The following ITIH3 variants were observed in gnomAD, a reference collection of about 807,000 sequenced individuals.
ITIH3 encodes inter-alpha-trypsin inhibitor heavy chain 3.
A neutral mutation model predicts 96.5 loss-of-function variants in ITIH3; 81 were observed. The ratio of observed to expected loss-of-function variants is 0.84; its 90% CI spans 0.70 to 1.01. The LOEUF is 1.01. Ranked by LOEUF, ITIH3 falls within the 50% of genes least tolerant of loss-of-function variation. The pLI is 0.00. For missense variants in ITIH3, 1,057 were observed against 1,139.3 expected (o/e 0.93, Z 1.04); for synonymous variants, 422 against 445.2 (o/e 0.95, Z 0.66).
rs1699552453 is a variant in ITIH3 at position 52,795,638 on chromosome 3, C to T, written c.114+15C>T. 6.2e-7 allele frequency: 1 copy of T among 1,611,420 alleles called. No homozygotes were observed. Among genetic ancestry groups the T allele is most frequent in the African/African-American group, 1.3e-5 (1 of 74,872 alleles). ...TCCCGGAAGGGGTAAGAACTTTCAC[C>T]AGGGGGTGGGACCGAGTGGGGCAGG... On this transcript the variant is annotated intron_variant, in intron 2 of 21. Transcript: ENST00000449956.
rs762580849 is a variant in ITIH3 at position 52,801,105 on chromosome 3, C to T, written c.1342C>T (p.Arg448Trp). The change falls in exon 11 of 22, where the codon CGG becomes TGG. Residue 448 changes from arginine to tryptophan, a missense_variant. Physicochemically the swap from Arg to Trp is moderately radical, Grantham distance 101. Coordinates refer to ENST00000449956, the MANE Select transcript of ITIH3 (RefSeq NM_002217.4). The stretch of plus-strand genomic sequence containing the variant: ...GGCCCTGGAGAACCATGGGTTTGCC[C>T]GGCGCATTTATGAGGACTCTGATGC... Reference protein sequence around the residue: ...NMALENHGFARRIYEDSDADL... With the variant: ...NMALENHGFAWRIYEDSDADL... 40 of 1,601,130 alleles carry T rather than the reference C, an allele frequency of 2.5e-5. No homozygotes were observed. The highest frequency in any genetic ancestry group is 1.7e-4 in the Middle Eastern group (1 of 6,024).
intron 13 of ITIH3, 44 bp from the exon 14 acceptor site, chr3:52,803,811 G>A: frequency 6.2e-7 from 1 of 1,607,526 alleles, no homozygotes; most frequent in Non-Finnish European, 8.5e-7. Context: ...AGTGGGCAGG[G>A]TGCTGCTCTC....
At position 52,801,140 on chromosome 3, in the gene ITIH3, G is replaced by A. The variant is rs376951671; in HGVS notation, c.1377G>A (p.Gln459=). 216 of 1,573,848 alleles carry A rather than the reference G, an allele frequency of 1.4e-4. No homozygotes were observed. Among genetic ancestry groups the A allele is most frequent in the Middle Eastern group, 1.0e-3 (6 of 5,830 alleles). ...RIYEDSDADL[Q]LQGFYEEVAN... is the part of the protein sequence containing the mutation. Reference sequence around the variant, plus strand: ...ATGAGGACTCTGATGCCGATTTGCAGTTGCAGGTATGCCTTGTCTTGCACA... The same window carrying A: ...ATGAGGACTCTGATGCCGATTTGCAATTGCAGGTATGCCTTGTCTTGCACA... Residue 459 remains glutamine (Q), a synonymous_variant, in exon 11 of 22, where the codon CAG becomes CAA. Coordinates refer to ENST00000449956, the MANE Select transcript of ITIH3 (RefSeq NM_002217.4).
chr3:52,797,020 C>T, intron 4 of ITIH3, 85 bp from the exon 5 acceptor site: 10 of 1,490,646 alleles, frequency 6.7e-6, no homozygotes, highest in Non-Finnish European at 9.1e-6. Flanking sequence ...TCTCCCTCGC[C>T]AAAGGGCTGG....
rs756683414 is a variant in ITIH3, at chr3:52,802,425, A to G, written c.1475A>G (p.Tyr492Cys). ...ATCCTGGACCTCACCCAGAACACTTACCAGCACTTCTACGATGGCTCTGAG... is the reference window on the plus strand; with the variant it reads ...ATCCTGGACCTCACCCAGAACACTTGCCAGCACTTCTACGATGGCTCTGAG... ...NAILDLTQNT[Y>C]QHFYDGSEIV... Residue 492 changes from tyrosine to cysteine, a missense_variant, in exon 12 of 22, where the codon TAC becomes TGC. Physicochemically the swap from Tyr to Cys is radical, Grantham distance 194. Transcript: ENST00000449956. The G allele has an allele frequency of 6.2e-6, 10 of 1,613,932 alleles. No homozygotes were observed. The South Asian group carries it at 9.9e-5, about 16-fold the overall frequency.
At position 52,796,586 on chromosome 3, in the gene ITIH3, G is replaced by A; in HGVS notation, c.220G>A (p.Ala74Thr). 1 of 1,613,328 alleles carries A rather than the reference G, an allele frequency of 6.2e-7. No homozygotes were observed. The highest frequency in any genetic ancestry group is 1.7e-5 in the Admixed American group (1 of 59,922). Residue 74 changes from alanine to threonine, a missense_variant, in exon 3 of 22, where the codon GCC becomes ACC. Coordinates refer to ENST00000449956, the MANE Select transcript of ITIH3 (RefSeq NM_002217.4). ...GAGAGCCGTCAACCGTGCAGACACGGCCAAGGAGGTTTCCTTTGATGTGGA... is the reference window on the plus strand; with the variant it reads ...GAGAGCCGTCAACCGTGCAGACACGACCAAGGAGGTTTCCTTTGATGTGGA... ...TMRAVNRADT[A>T]KEVSFDVELP...
Position 52,801,094 on chromosome 3 carries a change from A to G in ITIH3, c.1331A>G (p.His444Arg), listed in dbSNP as rs971879359. The G allele has an allele frequency of 6.2e-7, 1 of 1,607,910 alleles. No homozygotes were observed. The highest frequency in any genetic ancestry group is 8.5e-7 in the Non-Finnish European group (1 of 1,176,924). ...CTGGAGAACATGGCCCTGGAGAACC[A>G]TGGGTTTGCCCGGCGCATTTATGAG... ...NFLENMALEN[H>R]GFARRIYEDS... Residue 444 changes from histidine (H) to arginine (R), a missense_variant, in exon 11 of 22, where the codon CAT (histidine) becomes CGT (arginine). Transcript: ENST00000449956.
chr3:52,808,005 G>A (rs1700117923), intron 20 of ITIH3, 89 bp downstream of exon 20: 1 of 1,570,866 alleles, frequency 6.4e-7, no homozygotes, highest in East Asian at 2.3e-5. Flanking sequence ...CCTGTACCCA[G>A]CTCACAACAC....
In ITIH3 at chr3:52,807,849, C is replaced by T; in HGVS notation, c.2364C>T (p.His788=). The T allele has an allele frequency of 6.2e-7, 1 of 1,611,630 alleles. No individual in the cohort carries two copies. Residue 788 remains histidine (H), a synonymous_variant, in exon 20 of 22, where the codon CAC becomes CAT. Coordinates refer to ENST00000449956, the MANE Select transcript of ITIH3 (RefSeq NM_002217.4). ...LHQVWKKHPV[H]RDFLGFYVVD... is the part of the protein sequence containing the mutation. ...AGGTGTGGAAGAAACATCCTGTCCA[C>T]CGTGACTTTCTAGGCTTCTACGTGG...
At chr3:52,805,149 A>G (rs1345227549) in intron 15 of ITIH3, 3 of 282,852 alleles carry the variant, frequency 1.1e-5, no homozygotes, top group Non-Finnish European at 1.7e-5. Flanking sequence ...CCAAGCTGGT[A>G]CTTAGGCCAA....
Position 52,807,125 on chromosome 3 carries a change from C to T in ITIH3, c.2261+20C>T, listed in dbSNP as rs1700085790. 6.4e-7 allele frequency: 1 copy of T among 1,566,508 alleles called. No individual in the cohort carries two copies. Among genetic ancestry groups the T allele is most frequent in the East Asian group, 2.4e-5 (1 of 42,292 alleles). On this transcript the variant is annotated intron_variant, in intron 19 of 21. Transcript: ENST00000449956. ...GGATGGGTAAGCTCCCCTACAAGGT[C>T]TCCAAGGTGGACTACAGGGTGAGAG...
At chr3:52,798,300 T>C in intron 6 of ITIH3, among the ~76,000 whole-genome samples, 1 of 152,230 alleles carries the variant, frequency 6.6e-6, no homozygotes, top group East Asian at 1.9e-4. Flanking sequence ...AACTTCATTC[T>C]TGGTGCTAGG....
chr3:52,802,288 G>A (rs907202661), intron 11 of ITIH3, 46 bp from the exon 12 acceptor site: 2 of 1,598,850 alleles, frequency 1.3e-6, no homozygotes, highest in Non-Finnish European at 1.7e-6. Context: ...GCATCAGTGG[G>A]AGCCTGACCT....
chr3:52,804,094 C>A, intron 14 of ITIH3, 85 bp downstream of exon 14: 1 of 1,440,908 alleles, frequency 6.9e-7, no homozygotes, highest in Non-Finnish European at 9.5e-7. Flanking sequence ...GTGGGCCAGG[C>A]TGGGGAGACC....
At chr3:52,804,761 G>A (rs1444348617) in intron 15 of ITIH3, 27 bp downstream of exon 15, 6 of 1,584,542 alleles carry the variant, frequency 3.8e-6, no homozygotes, top group Admixed American at 1.8e-5. Context: ...CCACCGGGTT[G>A]GGCATTATGG....
intron 18 of ITIH3, 71 bp downstream of exon 18, chr3:52,806,477 A>C: frequency 8.8e-7 from 1 of 1,142,712 alleles, no homozygotes; most frequent in Non-Finnish European, 1.3e-6. Context: ...CGAGGTAGGC[A>C]CAGGGAACAG....
chr3:52,796,582 C>T lies in ITIH3; in HGVS notation c.216C>T (p.Asp72=), dbSNP rs373536055. ...VVTMRAVNRA[D]TAKEVSFDVE... is the part of the protein sequence containing the mutation. ...CCATGAGAGCCGTCAACCGTGCAGA[C>T]ACGGCCAAGGAGGTTTCCTTTGATG... is the stretch of plus-strand genomic sequence containing the variant. The change falls in exon 3 of 22, where the codon GAC becomes GAT. Residue 72 remains aspartate (D), a synonymous_variant. Transcript: ENST00000449956. 5.0e-6 allele frequency: 8 copies of T among 1,613,396 alleles called. No homozygotes were observed. The African/African-American group carries it at 1.1e-4, about 22-fold the overall frequency.
chr3:52,804,637 T>C, intron 14 of ITIH3, 89 bp from the exon 15 acceptor site: 1 of 1,439,608 alleles, frequency 6.9e-7, no homozygotes, highest in Non-Finnish European at 9.6e-7. Context: ...CTAGGGCTGG[T>C]CGGCCAAGCA....
intron 2 of ITIH3, 76 bp downstream of exon 2, chr3:52,795,699 T>C: frequency 6.9e-7 from 1 of 1,448,636 alleles, no homozygotes; most frequent in Non-Finnish European, 9.6e-7. Flanking sequence ...GCTGAAGGTG[T>C]AGGCTATAAC....
Sources: allele counts gnomAD v4.1 joint callset (sites outside exome capture counted in the v4.1 genomes callset), GRCh38; gene constraint gnomAD v4.1.1; transcripts MANE v1.5; gene names NCBI Gene and HGNC (gene_info 2026-07-23, HGNC 2026-07-21).